Variants in IFT25 observed in about 807,000 individuals in gnomAD.
IFT25 encodes intraflagellar transport 25, also known as intraflagellar transport protein 25 homolog.
At chr1:53,930,476 G>A in the IFT25 span, among the ~76,000 whole-genome samples, 4 of 152,068 alleles carry the variant, frequency 2.6e-5, no homozygotes, top group African/African-American at 9.7e-5. Context: ...TTCCATCACT[G>A]TGGTCACACT....
the IFT25 span, chr1:53,930,186 T>A: frequency 6.6e-7 from 1 of 1,509,678 alleles, no homozygotes; most frequent in Non-Finnish European, 8.8e-7. Flanking sequence ...TAGCCAAATA[T>A]AAATGGTTAA....
the IFT25 span, chr1:53,923,740 C>T: frequency 3.5e-6 from 2 of 566,778 alleles, no homozygotes; most frequent in Non-Finnish European, 6.2e-6. Context: ...TATGAATGTA[C>T]ATTTAGCTTA....
the IFT25 span, among the ~76,000 whole-genome samples, chr1:53,926,881 C>G: frequency 6.6e-6 from 1 of 152,064 alleles, no homozygotes; most frequent in African/African-American, 2.4e-5. Flanking sequence ...TGTCACCATC[C>G]CTGGCTAATT....
chr1:53,930,082 G>A, the IFT25 span: 2 of 1,573,754 alleles, frequency 1.3e-6, no homozygotes, highest in Non-Finnish European at 1.7e-6. Context: ...TTACATGTTT[G>A]TGGAAACAAA....
At chr1:53,930,743 T>C in the IFT25 span, among the ~76,000 whole-genome samples, 1 of 152,198 alleles carries the variant, frequency 6.6e-6, no homozygotes, top group Non-Finnish European at 1.5e-5. Flanking sequence ...TGCTGAGCTC[T>C]GAGTCCAGTT....
At chr1:53,925,417 T>A in the IFT25 span, among the ~76,000 whole-genome samples, 1 of 152,038 alleles carries the variant, frequency 6.6e-6, no homozygotes, top group East Asian at 1.9e-4. Flanking sequence ...TCCCAGCATT[T>A]TGGGAGGCTG....
At chr1:53,917,666 A>G in the IFT25 span, among the ~76,000 whole-genome samples, 2 of 151,946 alleles carry the variant, frequency 1.3e-5, no homozygotes, top group Non-Finnish European at 2.9e-5. Context: ...AACTCTACTA[A>G]AAATACAAAA....
chr1:53,928,539 A>T, the IFT25 span: 1 of 801,692 alleles, frequency 1.2e-6, no homozygotes, highest in Non-Finnish European at 2.1e-6. Flanking sequence ...TGCACAGTGG[A>T]ACTACACAGA....
chr1:53,925,060 A>G, the IFT25 span, among the ~76,000 whole-genome samples: 3 of 152,078 alleles, frequency 2.0e-5, no homozygotes, highest in African/African-American at 7.2e-5. Context: ...TCTTCAAGCT[A>G]TTTTTCCTGA....
the IFT25 span, chr1:53,923,780 G>A: frequency 1.7e-5 from 11 of 660,284 alleles, no homozygotes; most frequent in African/African-American, 3.7e-5. Flanking sequence ...TTTCTCTACC[G>A]GTTGATTTAG....
the IFT25 span, among the ~76,000 whole-genome samples, chr1:53,939,028 C>T: frequency 1.4e-4 from 18 of 126,422 alleles, no homozygotes; most frequent in African/African-American, 3.8e-4. Flanking sequence ...GAGCCGAGAT[C>T]GTGCCATTGC....
chr1:53,934,363 T>C, the IFT25 span, among the ~76,000 whole-genome samples: 1 of 152,256 alleles, frequency 6.6e-6, no homozygotes, highest in Non-Finnish European at 1.5e-5. Flanking sequence ...CTGTTTGTGA[T>C]GTAAAGTCAG....
the IFT25 span, among the ~76,000 whole-genome samples, chr1:53,912,241 T>C: frequency 2.0e-5 from 3 of 152,222 alleles, no homozygotes; most frequent in African/African-American, 7.2e-5. Flanking sequence ...TCTCCCCATT[T>C]TCACTAAATA....
At chr1:53,940,673 C>T in the IFT25 span, among the ~76,000 whole-genome samples, 1 of 151,908 alleles carries the variant, frequency 6.6e-6, no homozygotes, top group African/African-American at 2.4e-5. Context: ...GGTAAATTTC[C>T]CTACTTTTCT....
the IFT25 span, among the ~76,000 whole-genome samples, chr1:53,934,390 T>C: frequency 6.6e-6 from 1 of 152,250 alleles, no homozygotes; most frequent in Non-Finnish European, 1.5e-5. Context: ...TTAGCACTAT[T>C]GTTCCTCTGT....
the IFT25 span, chr1:53,917,152 A>G: frequency 1.3e-3 from 208 of 158,470 alleles, no homozygotes; most frequent in Non-Finnish European, 2.2e-3. Context: ...CTCAAAAAAA[A>G]AGAAAAACTT....
At chr1:53,935,013 C>T in the IFT25 span, among the ~76,000 whole-genome samples, 3 of 152,156 alleles carry the variant, frequency 2.0e-5, no homozygotes, top group East Asian at 1.9e-4. Flanking sequence ...AAACAAAAAA[C>T]GAAAGAAAGA....
At chr1:53,933,471 A>G in the IFT25 span, among the ~76,000 whole-genome samples, 3 of 152,202 alleles carry the variant, frequency 2.0e-5, no homozygotes, top group South Asian at 6.2e-4. Flanking sequence ...CTAACACTAT[A>G]ACGTGTCCCC....
chr1:53,941,911 C>T, the IFT25 span, among the ~76,000 whole-genome samples: 8 of 152,060 alleles, frequency 5.3e-5, no homozygotes, highest in African/African-American at 1.9e-4. Flanking sequence ...ACCCTGTGGA[C>T]CCGACAGAGA....
Sources: gnomAD v4.1 joint callset for allele counts (sites outside exome capture counted in the v4.1 genomes callset) on GRCh38, gnomAD v4.1.1 for gene constraint, MANE v1.5 for transcripts, NCBI Gene and HGNC (gene_info 2026-07-23, HGNC 2026-07-21) for gene names.